KIAA1143: variants seen among roughly 807,000 people sequenced by gnomAD.
KIAA1143 encodes KIAA1143.
KIAA1143 carries 8 observed loss-of-function variants against 17.0 expected under a neutral mutation model. The observed-to-expected ratio is 0.47, with a 90% confidence interval of 0.28 to 0.85. The LOEUF is 0.85. Ranked by LOEUF, KIAA1143 falls within the 40% of genes least tolerant of loss-of-function variation. The pLI, the probability that KIAA1143 is intolerant of heterozygous loss-of-function variation, is 0.12. For synonymous variants in KIAA1143, 64 were observed against 67.8 expected (o/e 0.94, Z 0.27); for missense variants, 162 against 183.3 (o/e 0.88, Z 0.67).
At position 44,761,544 on chromosome 3, in the gene KIAA1143, C is replaced by G. The variant is rs1705124098; in HGVS notation, c.59G>C (p.Arg20Pro). The change falls in exon 1 of 3, where the codon CGC (arginine) becomes CCC (proline). Residue 20 changes from arginine to proline, a missense_variant. By Grantham distance (103) the Arg-to-Pro change is moderately radical (BLOSUM62 -2). Transcript: ENST00000296121. The part of the protein sequence containing the change: ...VRPAEPAFLA[R>P]FKERVGYREG... ...CCTGTAGCCGACCCGTTCCTTGAAG[C>G]GGGCCAGAAACGCCGGCTCGGCTGG... The G allele has an allele frequency of 1.2e-6, 2 of 1,614,028 alleles. No homozygotes were observed. Among genetic ancestry groups the G allele is most frequent in the Admixed American group, 3.3e-5 (2 of 59,996 alleles).
chr3:44,753,538 G>C lies in KIAA1143; in HGVS notation c.268C>G (p.Pro90Ala), dbSNP rs1704923273. 6.2e-7 allele frequency: 1 copy of C among 1,610,494 alleles called. No individual in the cohort carries two copies. Among genetic ancestry groups the C allele is most frequent in the African/African-American group, 1.3e-5 (1 of 74,744 alleles). Residue 90 changes from proline (P) to alanine (A), a missense_variant, in exon 3 of 3, where the codon CCA becomes GCA. By Grantham distance (27) the Pro-to-Ala change is conservative. Around this residue, in one of 2 missense-constraint regions of KIAA1143, gnomAD observed 137 missense variants for 132.5 expected, o/e 1.03. Transcript: ENST00000296121. ...CGATATATGATTCTTCCATCGGCTG[G>C]AGTTGGTTCTTCATCTGAGCAAAAA... ...KAAKADEEPT[P>A]ADGRIIYRKP...
intron 1 of KIAA1143, among the ~76,000 whole-genome samples, chr3:44,760,686 C>CTT (rs543256879): frequency 1.5e-4 from 21 of 139,148 alleles, no homozygotes; most frequent in East Asian, 4.1e-4. Flanking sequence ...CCAGGCCCGG[C>CTT]TTTTTTTTTT....
At chr3:44,755,061 T>C (rs1463397437) in intron 1 of KIAA1143, among the ~76,000 whole-genome samples, 1 of 152,196 alleles carries the variant, frequency 6.6e-6, no homozygotes, top group Non-Finnish European at 1.5e-5. Context: ...ATTTTTGAAA[T>C]GTGAGACACC....
At chr3:44,759,150 C>T (rs1296228366) in intron 1 of KIAA1143, among the ~76,000 whole-genome samples, 1 of 152,066 alleles carries the variant, frequency 6.6e-6, no homozygotes, top group African/African-American at 2.4e-5. Flanking sequence ...AAGTGTGAGC[C>T]ATTGCGCCTG....
At chr3:44,753,698 T>C in intron 2 of KIAA1143, 146 bp from the exon 3 acceptor site, 3 of 774,848 alleles carry the variant, frequency 3.9e-6, no homozygotes, top group Non-Finnish European at 6.0e-6. Flanking sequence ...TTTCTAGCTA[T>C]ATTGCCCTCA....
chr3:44,759,317 G>A (rs1010022326), intron 1 of KIAA1143, among the ~76,000 whole-genome samples: 1 of 152,104 alleles, frequency 6.6e-6, no homozygotes, highest in Admixed American at 6.5e-5. Context: ...TTGTCCATGA[G>A]CAATAATATA....
At chr3:44,759,917 T>G (rs1399342062) in intron 1 of KIAA1143, among the ~76,000 whole-genome samples, 2 of 62,200 alleles carry the variant, frequency 3.2e-5, no homozygotes, top group Non-Finnish European at 6.7e-5. Flanking sequence ...AAAAAAAAAG[T>G]CCTAGATGGC....
rs1487583352 is a variant in KIAA1143 at position 44,751,526 on chromosome 3, A to G, written c.*1815T>C. ...AAACAGGTGGCTTATGTATTTTCCT[A>G]GAAGAAGAATGCTGTTTTGATGTCA... On this transcript the variant is annotated 3_prime_UTR_variant, in exon 3 of 3. Coordinates refer to ENST00000296121, the MANE Select transcript of KIAA1143 (RefSeq NM_020696.4). 2 of 152,150 alleles carry G rather than the reference A, an allele frequency of 1.3e-5. No individual in the cohort carries two copies. Among genetic ancestry groups the G allele is most frequent in the Non-Finnish European group, 2.9e-5 (2 of 68,032 alleles). The allele number at this position is 152,150 out of a possible 1,614,324, so 9.4% of individuals were successfully genotyped here. A position where few individuals can be genotyped will look rare whatever the true frequency, so the allele number is the denominator to read the frequency against.
At chr3:44,758,823 A>C (rs760507919) in intron 1 of KIAA1143, among the ~76,000 whole-genome samples, 7 of 151,764 alleles carry the variant, frequency 4.6e-5, no homozygotes, top group Non-Finnish European at 1.0e-4. Context: ...CATCAGAGGA[A>C]TCACTATCCA....
chr3:44,754,539 A>G (rs1165968344), intron 1 of KIAA1143, among the ~76,000 whole-genome samples, 171 bp from the exon 2 acceptor site: 1 of 152,234 alleles, frequency 6.6e-6, no homozygotes, highest in Admixed American at 6.5e-5. Context: ...ACAAGGGAAC[A>G]GGTTTAACTG....
At chr3:44,759,053 G>A (rs1229244627) in intron 1 of KIAA1143, among the ~76,000 whole-genome samples, 3 of 151,992 alleles carry the variant, frequency 2.0e-5, no homozygotes, top group Non-Finnish European at 2.9e-5. Flanking sequence ...TTGTAGAGAT[G>A]GGGTCTCACC....
intron 1 of KIAA1143, among the ~76,000 whole-genome samples, chr3:44,758,868 T>TC (rs1194367405): frequency 6.6e-6 from 1 of 151,762 alleles, no homozygotes; most frequent in Non-Finnish European, 1.5e-5. Flanking sequence ...TTTTGACTTT[T>TC]TTTTTTTTTT....
Position 44,761,614 on chromosome 3 carries a change from G to A in KIAA1143, c.-12C>T, listed in dbSNP as rs201101661. The A allele has an allele frequency of 7.2e-4, 1,115 of 1,553,660 alleles. 5 individuals are homozygous for A. The African/African-American group carries it at 0.016, about 23-fold the overall frequency. ...TTCCGCTTGCTCATGGTAGCTCTGG[G>A]TAAAGACAGAAGACAGGTTCCGCGA... On this transcript the variant is annotated 5_prime_UTR_variant, in exon 1 of 3. Coordinates refer to ENST00000296121, the MANE Select transcript of KIAA1143 (RefSeq NM_020696.4).
chr3:44,756,671 C>G (rs1704978358), intron 1 of KIAA1143, among the ~76,000 whole-genome samples: 1 of 152,120 alleles, frequency 6.6e-6, no homozygotes, highest in South Asian at 2.1e-4. Flanking sequence ...GCAGTAGTCC[C>G]CTCCTTATCC....
intron 1 of KIAA1143, among the ~76,000 whole-genome samples, chr3:44,754,586 T>G (rs548429770): frequency 1.3e-5 from 2 of 152,244 alleles, no homozygotes; most frequent in African/African-American, 4.8e-5. Context: ...TGGGATTCAT[T>G]TCCATCTCAG....
At chr3:44,756,562 C>CA (rs969927128) in intron 1 of KIAA1143, among the ~76,000 whole-genome samples, 1 of 151,542 alleles carries the variant, frequency 6.6e-6, no homozygotes, top group African/African-American at 2.4e-5. Context: ...GACTCCGCCT[C>CA]AAAAAAAATA....
At chr3:44,758,831 C>G (rs923416068) in intron 1 of KIAA1143, among the ~76,000 whole-genome samples, 2 of 151,980 alleles carry the variant, frequency 1.3e-5, no homozygotes, top group African/African-American at 4.8e-5. Context: ...GAATCACTAT[C>G]CATGGCAGCT....
rs1704885528 is a variant in KIAA1143, at chr3:44,751,041, G to A, written c.*2300C>T. 6.7e-6 allele frequency: 1 copy of A among 148,652 alleles called. No homozygotes were observed. Among genetic ancestry groups the A allele is most frequent in the Non-Finnish European group, 1.5e-5 (1 of 67,288 alleles). The allele number at this position is 148,652 out of a possible 1,614,324, so 9.2% of individuals were successfully genotyped here. A position where few individuals can be genotyped will look rare whatever the true frequency, so the allele number is the denominator to read the frequency against. On this transcript the variant is annotated 3_prime_UTR_variant, in exon 3 of 3. Transcript: ENST00000296121. ...AAACCGGTTACTTTCTCAGGACTTT[G>A]ACTGAAATGGCCTTGTGAAATGTTC...
rs9823429 is a variant in KIAA1143, at chr3:44,756,228, C to T, written c.109-1860G>A. 2.8e-3 allele frequency among the ~76,000 whole-genome samples: 428 copies of T among 152,324 alleles called. 3 individuals carry two copies. Among genetic ancestry groups the T allele is most frequent in the African/African-American group, 0.01 (421 of 41,570 alleles). Reference sequence around the variant, plus strand: ...AGTCTAAGGACAGTGGCAGTAGCCACTGATGACTGTTCAGAGACATTTCTG... The same window carrying T: ...AGTCTAAGGACAGTGGCAGTAGCCATTGATGACTGTTCAGAGACATTTCTG... On this transcript the variant is annotated intron_variant, in intron 1 of 2. Coordinates refer to ENST00000296121, the MANE Select transcript of KIAA1143 (RefSeq NM_020696.4).
Sources: gnomAD v4.1 joint callset for allele counts (sites outside exome capture counted in the v4.1 genomes callset) on GRCh38, gnomAD v4.1.1 for gene constraint, gnomAD v4.1.1 regional missense constraint, MANE v1.5 for transcripts, NCBI Gene and HGNC (gene_info 2026-07-23, HGNC 2026-07-21) for gene names.